NRDC: variants seen among roughly 807,000 people sequenced by gnomAD.
The protein encoded by NRDC is nardilysin convertase, also known as nardilysin.
In NRDC, 54 loss-of-function variants were observed where a neutral mutation model predicts 147.1. The ratio of observed to expected loss-of-function variants is 0.37; its 90% CI spans 0.29 to 0.46. The LOEUF (loss-of-function observed/expected upper bound fraction) is 0.46, where lower values mean the gene tolerates loss of function less well. Ranked by LOEUF, NRDC falls within the 20% of genes least tolerant of loss-of-function variation. The pLI, the probability that NRDC is intolerant of heterozygous loss-of-function variation, is 1.00. For synonymous variants in NRDC, 440 were observed against 482.1 expected (o/e 0.91, Z 1.14); for missense variants, 1,082 against 1,370.6 (o/e 0.79, Z 3.33).
At chr1:51,875,556 C>T (rs1683281426) in intron 1 of NRDC, among the ~76,000 whole-genome samples, 1 of 152,008 alleles carries the variant, frequency 6.6e-6, no homozygotes, top group Non-Finnish European at 1.5e-5. Flanking sequence ...CTTTAGTGCC[C>T]TAGTTTTATT....
intron 1 of NRDC, among the ~76,000 whole-genome samples, chr1:51,873,521 T>G (rs989065039): frequency 6.9e-6 from 1 of 144,210 alleles, no homozygotes; most frequent in African/African-American, 2.8e-5. Flanking sequence ...ATTTATTTAT[T>G]TATGTTTGAG....
chr1:51,818,712 A>AT (rs1319145910), intron 9 of NRDC, among the ~76,000 whole-genome samples: 1 of 152,188 alleles, frequency 6.6e-6, no homozygotes, highest in Non-Finnish European at 1.5e-5. Flanking sequence ...ACAGTCACTG[A>AT]TTAGGGGAAA....
chr1:51,830,170 A>G (rs1571876912), intron 4 of NRDC, among the ~76,000 whole-genome samples: 1 of 151,926 alleles, frequency 6.6e-6, no homozygotes, highest in Non-Finnish European at 1.5e-5. Flanking sequence ...TCACCATATT[A>G]GCCAGGCTGG....
intron 1 of NRDC, among the ~76,000 whole-genome samples, chr1:51,875,173 C>G (rs1683261758): frequency 6.6e-6 from 1 of 152,158 alleles, no homozygotes; most frequent in Admixed American, 6.5e-5. Flanking sequence ...TTGGATAAGT[C>G]TTTAAAGATC....
chr1:51,854,965 G>C (rs1188532038), intron 1 of NRDC, among the ~76,000 whole-genome samples: 1 of 152,162 alleles, frequency 6.6e-6, no homozygotes, highest in African/African-American at 2.4e-5. Context: ...ATTTCTTTCT[G>C]AGGGGCCTGG....
rs773350797 is a variant in NRDC, at chr1:51,810,357, A to G, written c.1827T>C (p.Leu609=). ...CCTCATTAGCACCAGACAGTAAAAC[A>G]AGATTTGCTTTTTGAGGAACTAGCT... ...LNQLVPQKAN[L]VLLSGANEGK... Residue 609 remains leucine (L), a synonymous_variant, in exon 16 of 31, where the codon CTT becomes CTC. Transcript: ENST00000352171. The G allele has an allele frequency of 1.9e-6, 3 of 1,612,428 alleles. No individual in the cohort carries two copies. In the Admixed American group the frequency reaches 5.0e-5, roughly 27 times the overall value.
At chr1:51,877,170 C>G (rs190431224) in intron 1 of NRDC, among the ~76,000 whole-genome samples, 1 of 151,622 alleles carries the variant, frequency 6.6e-6, no homozygotes, top group African/African-American at 2.4e-5. Flanking sequence ...CCTGGTGACA[C>G]AGCAAGACTC....
rs538857013 is a variant in NRDC at position 51,804,755 on chromosome 1, A to T, written c.2162+755T>A. ...CTAGGTTCAGACACATTTCCCAAGTATCTCCTAAGTTCAGATACATTTCCC... is the reference window on the plus strand; with the variant it reads ...CTAGGTTCAGACACATTTCCCAAGTTTCTCCTAAGTTCAGATACATTTCCC... On this transcript the variant is annotated intron_variant, in intron 19 of 30. Transcript: ENST00000352171. Among the ~76,000 whole-genome samples, 5 of 152,212 alleles carry T rather than the reference A, an allele frequency of 3.3e-5. No individual in the cohort carries two copies. In the South Asian group the frequency reaches 1.0e-3, roughly 32 times the overall value.
At chr1:51,847,797 T>C (rs1681726328) in intron 1 of NRDC, among the ~76,000 whole-genome samples, 1 of 152,054 alleles carries the variant, frequency 6.6e-6, no homozygotes, top group South Asian at 2.1e-4. Flanking sequence ...GCCTCCGCCA[T>C]CCCAGGAACG....
At chr1:51,803,474 CAAA>C (rs56122829) in intron 20 of NRDC, among the ~76,000 whole-genome samples, 228 of 128,886 alleles carry the variant, frequency 1.8e-3, no homozygotes, top group Non-Finnish European at 1.8e-3. Flanking sequence ...GTATCTGTCT[CAAA>C]AAAAAAAAAA....
intron 13 of NRDC, 63 bp downstream of exon 13, chr1:51,814,488 C>T (rs990668190): frequency 6.7e-7 from 1 of 1,498,424 alleles, no homozygotes; most frequent in Non-Finnish European, 9.2e-7. Flanking sequence ...TGTCTACCGG[C>T]AGCCTGAAGC....
At chr1:51,871,579 C>T (rs1683089690) in intron 1 of NRDC, among the ~76,000 whole-genome samples, 2 of 126,202 alleles carry the variant, frequency 1.6e-5, no homozygotes, top group Non-Finnish European at 3.2e-5. Context: ...TGCTCCTTTT[C>T]AATTTCAATT....
chr1:51,795,021 AT>A, intron 22 of NRDC, 167 bp from the exon 23 acceptor site: 3 of 1,484,296 alleles, frequency 2.0e-6, no homozygotes, highest in Non-Finnish European at 2.7e-6. Context: ...CTGATTCAAG[AT>A]TGATTGTGTT....
At chr1:51,795,209 C>G in intron 22 of NRDC, 1 of 1,317,452 alleles carries the variant, frequency 7.6e-7, no homozygotes, top group East Asian at 5.0e-5. Context: ...GACATAGAAC[C>G]TGGATAAAGC....
rs1352224878 is a variant in NRDC at position 51,852,838 on chromosome 1, T to TATAG, written c.342-12328_342-12325dup. ...GAGACGTTGACAAAGACAGGTAACCTATAGATATATCATCTGACCCAGCTA... is the reference window on the plus strand; with the variant it reads ...GAGACGTTGACAAAGACAGGTAACCTATAGATAGATATATCATCTGACCCAGCTA... On this transcript the variant is annotated intron_variant, in intron 1 of 30. Transcript: ENST00000352171. Among the ~76,000 whole-genome samples the TATAG allele has an allele frequency of 1.3e-5, 2 of 152,158 alleles. 1 individual carries two copies. Among genetic ancestry groups the TATAG allele is most frequent in the Non-Finnish European group, 2.9e-5 (2 of 68,028 alleles).
rs368709153 is a variant in NRDC at position 51,865,304 on chromosome 1, C to T, written c.341+12971G>A. On this transcript the variant is annotated intron_variant, in intron 1 of 30. Transcript: ENST00000352171. ...GGAAATACAAATTTTTTAAGTTTTTCGTTTTGTTTTTTTTTTTTGAGACGG... is the reference window on the plus strand; with the variant it reads ...GGAAATACAAATTTTTTAAGTTTTTTGTTTTGTTTTTTTTTTTTGAGACGG... Among the ~76,000 whole-genome samples, 34 of 150,992 alleles carry T rather than the reference C, an allele frequency of 2.3e-4. No individual in the cohort carries two copies. The East Asian group carries it at 2.3e-3, about 10-fold the overall frequency.
At chr1:51,856,817 A>G (rs1277633431) in intron 1 of NRDC, among the ~76,000 whole-genome samples, 1 of 152,160 alleles carries the variant, frequency 6.6e-6, no homozygotes, top group East Asian at 1.9e-4. Context: ...CTTGGGGCAG[A>G]TGAGAGATGG....
chr1:51,826,394 T>C (rs1368916246), intron 5 of NRDC, among the ~76,000 whole-genome samples: 3 of 152,084 alleles, frequency 2.0e-5, no homozygotes, highest in Admixed American at 6.6e-5. Flanking sequence ...CTGATAAAAA[T>C]AGAGTATAAA....
At chr1:51,874,074 T>C (rs1030979729) in intron 1 of NRDC, among the ~76,000 whole-genome samples, 16 of 150,096 alleles carry the variant, frequency 1.1e-4, no homozygotes, top group Non-Finnish European at 4.4e-5. Context: ...GTGGGGCAGG[T>C]TGTGATGGTG....
Sources: allele counts gnomAD v4.1 joint callset (sites outside exome capture counted in the v4.1 genomes callset), GRCh38; gene constraint gnomAD v4.1.1; transcripts MANE v1.5; gene names NCBI Gene and HGNC (gene_info 2026-07-23, HGNC 2026-07-21).